The following DYM variants were observed in gnomAD, a reference collection of about 807,000 sequenced individuals.
DYM encodes the protein dyggve-Melchior-Clausen syndrome protein.
Under a neutral mutation model 93.1 loss-of-function variants are expected in DYM, and 78 were observed. The observed-to-expected ratio is 0.84, with a 90% CI of 0.70 to 1.01. The LOEUF is 1.01. Among genes scored for constraint, DYM ranks in the 50% least tolerant of loss-of-function variants. The pLI is 0.00. For synonymous variants in DYM, 321 were observed against 319.7 expected, an observed-to-expected ratio of 1.00 and a Z score of -0.04; for missense variants, 789 against 845.0, an observed-to-expected ratio of 0.93 and a Z score of 0.82.
At chr18:49,302,101 A>G (rs1471686169) in intron 8 of DYM, among the ~76,000 whole-genome samples, 7 of 152,246 alleles carry the variant, frequency 4.6e-5, no homozygotes, top group African/African-American at 1.7e-4. Context: ...ATCCGAGTAC[A>G]AGCCAATGAC....
In DYM at chr18:49,271,890, A is replaced by C. The variant is rs143011219; in HGVS notation, c.1251+288T>G. 8.8e-3 allele frequency among the ~76,000 whole-genome samples: 1,342 copies of C among 152,134 alleles called. 8 individuals carry two copies. The highest frequency in any genetic ancestry group is 0.013 in the Non-Finnish European group (887 of 67,978). ...CTGTTTGACAATTTCTGCCACAATG[A>C]AAAAGTGGAAATGAAATGCTGAAGA... On this transcript the variant is annotated intron_variant, in intron 11 of 17. Coordinates refer to ENST00000675505, the MANE Select transcript of DYM (RefSeq NM_001353214.3).
At chr18:49,288,788 A>C (rs948173760) in intron 8 of DYM, among the ~76,000 whole-genome samples, 2 of 152,120 alleles carry the variant, frequency 1.3e-5, no homozygotes, top group African/African-American at 4.8e-5. Context: ...TCAAAAAAAA[A>C]CAAAAAACAA....
chr18:49,191,204 T>A (rs2090940369), intron 14 of DYM, among the ~76,000 whole-genome samples: 2 of 152,078 alleles, frequency 1.3e-5, no homozygotes, highest in Admixed American at 1.3e-4. Context: ...GTTAGCAGAA[T>A]AATAAATACA....
At chr18:49,172,182 A>G (rs1214910117) in intron 14 of DYM, among the ~76,000 whole-genome samples, 1 of 152,206 alleles carries the variant, frequency 6.6e-6, no homozygotes, top group Non-Finnish European at 1.5e-5. Context: ...TTTCAAATGC[A>G]TCCATGCTGT....
At chr18:49,405,646 T>C (rs966387456) in intron 2 of DYM, among the ~76,000 whole-genome samples, 1 of 152,226 alleles carries the variant, frequency 6.6e-6, no homozygotes, top group African/African-American at 2.4e-5. Context: ...ATAGTATACT[T>C]AGAGGTCAGA....
chr18:49,395,144 TA>T (rs2069887189), intron 2 of DYM, among the ~76,000 whole-genome samples: 1 of 151,946 alleles, frequency 6.6e-6, no homozygotes, highest in African/African-American at 2.4e-5. Context: ...CAAATAGGAT[TA>T]TATCAAACTA....
intron 14 of DYM, among the ~76,000 whole-genome samples, chr18:49,209,087 A>G (rs1385410063): frequency 1.3e-5 from 2 of 152,218 alleles, no homozygotes; most frequent in African/African-American, 4.8e-5. Flanking sequence ...CCCCAATAGT[A>G]TAATTTCTGC....
rs368476274 is a variant in DYM at position 49,039,548 on chromosome 18, T to C, written c.*4507A>G. Among the ~76,000 whole-genome samples, 42 of 152,160 alleles carry C rather than the reference T, an allele frequency of 2.8e-4. No homozygotes were observed. Among genetic ancestry groups the C allele is most frequent in the South Asian group, 6.2e-4 (3 of 4,822 alleles). On this transcript the variant is annotated 3_prime_UTR_variant, in exon 18 of 18. Transcript: ENST00000675505. Reference sequence around the variant, plus strand: ...CCTGCATGTCTGAGCAGGTCAGACATGCTCACTGTACCCTTTAAGTCTCTT... The same window carrying C: ...CCTGCATGTCTGAGCAGGTCAGACACGCTCACTGTACCCTTTAAGTCTCTT...
intron 5 of DYM, among the ~76,000 whole-genome samples, chr18:49,369,285 G>A (rs1397114520): frequency 6.6e-6 from 1 of 152,174 alleles, no homozygotes; most frequent in Middle Eastern, 3.2e-3. Flanking sequence ...CCCATTGCCT[G>A]AGAGTTCATT....
intron 10 of DYM, among the ~76,000 whole-genome samples, chr18:49,276,117 T>C (rs2094841301): frequency 6.6e-6 from 1 of 152,106 alleles, no homozygotes; most frequent in Non-Finnish European, 1.5e-5. Context: ...TTGAATGAAA[T>C]GGCAAAAGCA....
intron 13 of DYM, among the ~76,000 whole-genome samples, chr18:49,243,215 C>T (rs905688384): frequency 3.9e-5 from 6 of 152,164 alleles, no homozygotes; most frequent in African/African-American, 1.2e-4. Flanking sequence ...AACACAGAGC[C>T]TGCTAGACAA....
At chr18:49,413,424 C>T (rs1365145367) in intron 2 of DYM, among the ~76,000 whole-genome samples, 5 of 152,142 alleles carry the variant, frequency 3.3e-5, no homozygotes, top group South Asian at 4.1e-4. Flanking sequence ...ATGATGCTTA[C>T]GTTAGCGAAT....
intron 3 of DYM, among the ~76,000 whole-genome samples, chr18:49,391,003 A>AAGGGTAAC (rs1439094772): frequency 6.6e-6 from 1 of 152,214 alleles, no homozygotes; most frequent in Non-Finnish European, 1.5e-5. Context: ...AAGACCTGAA[A>AAGGGTAAC]AGGGTAACAT....
intron 17 of DYM, among the ~76,000 whole-genome samples, chr18:49,050,458 G>T (rs2072275300): frequency 6.6e-6 from 1 of 152,124 alleles, no homozygotes; most frequent in Admixed American, 6.5e-5. Context: ...ACTAAGAAGG[G>T]TTTACCATCT....
intron 5 of DYM, among the ~76,000 whole-genome samples, chr18:49,365,465 G>A (rs552179370): frequency 1.3e-5 from 2 of 152,284 alleles, no homozygotes; most frequent in South Asian, 4.1e-4. Flanking sequence ...GGGACTGCAT[G>A]ATTAGTTACC....
chr18:49,384,322 CAAAAAAAA>C (rs398032777), intron 3 of DYM, among the ~76,000 whole-genome samples: 8 of 65,830 alleles, frequency 1.2e-4, no homozygotes, highest in African/African-American at 5.1e-4. Context: ...ACCATGTCTC[CAAAAAAAA>C]AAAAAAAAAA....
chr18:49,080,665 C>T (rs1250013996), intron 17 of DYM, among the ~76,000 whole-genome samples: 1 of 145,492 alleles, frequency 6.9e-6, no homozygotes, highest in African/African-American at 2.6e-5. Context: ...CCCTCCCGGA[C>T]GGGGCGGCTG....
intron 15 of DYM, among the ~76,000 whole-genome samples, chr18:49,127,265 T>A (rs1285636506): frequency 1.3e-5 from 2 of 152,240 alleles, no homozygotes; most frequent in Non-Finnish European, 2.9e-5. Flanking sequence ...TTTCAGATGT[T>A]TCTGATACAT....
intron 2 of DYM, among the ~76,000 whole-genome samples, chr18:49,414,979 CA>C (rs879849036): frequency 6.6e-6 from 1 of 151,754 alleles, no homozygotes; most frequent in Non-Finnish European, 1.5e-5. Flanking sequence ...GTATATTAAT[CA>C]AAAAAATACT....
Sources: gnomAD v4.1 joint callset for allele counts (sites outside exome capture counted in the v4.1 genomes callset) on GRCh38, gnomAD v4.1.1 for gene constraint, MANE v1.5 for transcripts, NCBI Gene and HGNC (gene_info 2026-07-23, HGNC 2026-07-21) for gene names.